Variants in PIK3C2G observed in about 807,000 individuals in gnomAD.
PIK3C2G encodes phosphatidylinositol 3-kinase C2 domain-containing subunit gamma.
In PIK3C2G, 168 loss-of-function variants were observed where a neutral mutation model predicts 181.1. The observed-to-expected ratio is 0.93, with a 90% CI of 0.82 to 1.05. The LOEUF is 1.05. Ranked by LOEUF, PIK3C2G falls within the 50% of genes least tolerant of loss-of-function variation. PIK3C2G has a pLI of 0.00. For synonymous variants in PIK3C2G, 573 were observed against 592.2 expected, an observed-to-expected ratio of 0.97 and a Z score of 0.47; for missense variants, 1,869 against 1,732.8, an observed-to-expected ratio of 1.08 and a Z score of -1.40.
chr12:18,364,087 G>A (rs1015225931), intron 12 of PIK3C2G, among the ~76,000 whole-genome samples: 3 of 152,178 alleles, frequency 2.0e-5, no homozygotes, highest in African/African-American at 4.8e-5. Context: ...GCCTTTTGTA[G>A]TGTGGCCCCT....
At chr12:18,601,013 A>T (rs1459155957) in intron 30 of PIK3C2G, among the ~76,000 whole-genome samples, 1 of 152,092 alleles carries the variant, frequency 6.6e-6, no homozygotes, top group Non-Finnish European at 1.5e-5. Context: ...GTGGCAAATA[A>T]GAAATCACAG....
intron 18 of PIK3C2G, among the ~76,000 whole-genome samples, chr12:18,480,307 TAAATA>T (rs1300857180): frequency 1.3e-5 from 2 of 152,092 alleles, no homozygotes; most frequent in East Asian, 3.9e-4. Flanking sequence ...AGAAAAATGA[TAAATA>T]AAATAACTTA....
the PIK3C2G span, among the ~76,000 whole-genome samples, chr12:18,696,979 A>G: frequency 6.6e-6 from 1 of 152,166 alleles, no homozygotes; most frequent in Non-Finnish European, 1.5e-5. Flanking sequence ...GTTTCTGTAC[A>G]TATTCTTTGT....
rs1012172181 is a variant in PIK3C2G at position 18,563,594 on chromosome 12, A to C, written c.3902+96A>C. 35 of 1,180,732 alleles carry C rather than the reference A, an allele frequency of 3.0e-5. No homozygotes were observed. The African/African-American group carries it at 5.3e-4, about 18-fold the overall frequency. 73.1% of individuals were successfully genotyped at this position (1,180,732 alleles called of 1,614,324 possible). On this transcript the variant is annotated intron_variant, in intron 28 of 32. Transcript: ENST00000538779. ...ATGGGATTTTCTATTTGTGAGAAAC[A>C]CAGTATTCTGACTCCAATGCCATTG... is the stretch of plus-strand genomic sequence containing the variant.
rs898780364 is a variant in PIK3C2G, at chr12:18,567,064, T to A, written c.4011+7T>A. 8.5e-7 allele frequency: 1 copy of A among 1,182,078 alleles called. No individual in the cohort carries two copies. Among genetic ancestry groups the A allele is most frequent in the Admixed American group, 2.0e-5 (1 of 49,944 alleles). The allele number at this position is 1,182,078 out of a possible 1,614,324, so 73.2% of individuals were successfully genotyped here. On this transcript the variant is annotated splice_region_variant and intron_variant, in intron 29 of 32. Coordinates refer to ENST00000538779, the MANE Select transcript of PIK3C2G (RefSeq NM_001288772.2). Reference sequence around the variant, plus strand: ...ATCACATGAAGTTACAAACGTATGTTATAATTAATTTTTCTATTTTTACAT... The same window carrying A: ...ATCACATGAAGTTACAAACGTATGTAATAATTAATTTTTCTATTTTTACAT...
intron 12 of PIK3C2G, among the ~76,000 whole-genome samples, chr12:18,367,946 G>A (rs1941758607): frequency 6.6e-6 from 1 of 152,132 alleles, no homozygotes; most frequent in Non-Finnish European, 1.5e-5. Flanking sequence ...CATGGCAGAA[G>A]GGATAGGAGA....
At chr12:18,622,232 T>C (rs1948894148) in intron 31 of PIK3C2G, among the ~76,000 whole-genome samples, 1 of 151,900 alleles carries the variant, frequency 6.6e-6, no homozygotes, top group Non-Finnish European at 1.5e-5. Flanking sequence ...CTCTAGCCTT[T>C]GTTAACTGCC....
intron 12 of PIK3C2G, among the ~76,000 whole-genome samples, chr12:18,368,974 A>C (rs1460010257): frequency 6.6e-6 from 1 of 152,140 alleles, no homozygotes; most frequent in Admixed American, 6.5e-5. Context: ...AAGATGCTTA[A>C]TATTACCTGA....
At chr12:18,500,255 T>C (rs866802636) in intron 22 of PIK3C2G, among the ~76,000 whole-genome samples, 1 of 150,666 alleles carries the variant, frequency 6.6e-6, no homozygotes, top group African/African-American at 2.4e-5. Context: ...CGGCCGGCCC[T>C]GCCGGCCCGG....
intron 31 of PIK3C2G, among the ~76,000 whole-genome samples, chr12:18,633,234 G>T (rs1344059453): frequency 1.3e-5 from 2 of 152,136 alleles, no homozygotes. Flanking sequence ...TTAATATAAA[G>T]TATGATGTAA....
chr12:18,529,062 C>T (rs1175100600), intron 24 of PIK3C2G, among the ~76,000 whole-genome samples: 1 of 150,524 alleles, frequency 6.6e-6, no homozygotes, highest in Non-Finnish European at 1.5e-5. Context: ...TTGGAAGATG[C>T]CATGATATTC....
intron 1 of PIK3C2G, among the ~76,000 whole-genome samples, chr12:18,272,861 CA>C (rs1295742255): frequency 9.9e-5 from 15 of 152,240 alleles, no homozygotes; most frequent in Admixed American, 6.5e-5. Flanking sequence ...GTCCACCAAG[CA>C]ACCCTGCTTT....
chr12:18,463,196 T>C (rs1948014977), intron 18 of PIK3C2G, among the ~76,000 whole-genome samples: 1 of 152,182 alleles, frequency 6.6e-6, no homozygotes. Context: ...ATTGTCATGG[T>C]ATATCCTACG....
intron 8 of PIK3C2G, among the ~76,000 whole-genome samples, chr12:18,333,620 T>G (rs1938208877): frequency 6.6e-6 from 1 of 152,180 alleles, no homozygotes; most frequent in Non-Finnish European, 1.5e-5. Flanking sequence ...GGACATGAAC[T>G]CATCCTTTTT....
intron 26 of PIK3C2G, among the ~76,000 whole-genome samples, chr12:18,555,626 TA>T (rs1190423170): frequency 3.9e-5 from 6 of 152,174 alleles, no homozygotes; most frequent in Non-Finnish European, 8.8e-5. Context: ...TTATGCTTAT[TA>T]TAGGTCCCTT....
At chr12:18,702,508 G>T in the PIK3C2G span, among the ~76,000 whole-genome samples, 65,986 of 151,922 alleles carry the variant, frequency 0.43, 16,582 homozygotes, top group South Asian at 0.61. Flanking sequence ...CTTTTCTCCA[G>T]GGAGCTTTGA....
At chr12:18,281,340 G>A (rs910056671) in intron 1 of PIK3C2G, among the ~76,000 whole-genome samples, 5 of 149,834 alleles carry the variant, frequency 3.3e-5, no homozygotes, top group African/African-American at 1.2e-4. Context: ...CAGTGTCACG[G>A]AAAGCCAAAG....
Position 18,562,846 on chromosome 12 carries a change from C to G in PIK3C2G, c.3734C>G (p.Ser1245Trp). The G allele has an allele frequency of 6.2e-7, 1 of 1,606,422 alleles. No individual in the cohort carries two copies. The highest frequency in any genetic ancestry group is 8.5e-7 in the Non-Finnish European group (1 of 1,175,876). The change falls in exon 27 of 33, where the codon TCG becomes TGG. Residue 1245 changes from serine (S) to tryptophan (W), a missense_variant. Ser to Trp is a radical substitution (Grantham distance 177, BLOSUM62 -3). Transcript: ENST00000538779. ...TCCTGTTTGCTGAGTACAACTAGGT[C>G]GATTGAAAGAGCAACAATTTTAGGG... Reference protein sequence around the residue: ...QESCLLSTTRSIERATILGFS... With the variant: ...QESCLLSTTRWIERATILGFS...
At chr12:18,245,264 T>C (rs1453507939), upstream of PIK3C2G, among the ~76,000 whole-genome samples, 1 of 152,116 alleles carries the variant, frequency 6.6e-6, no homozygotes, top group Admixed American at 6.5e-5. Context: ...TTTTAGAACC[T>C]CTCATTTCCA....
Sources: allele counts gnomAD v4.1 joint callset (sites outside exome capture counted in the v4.1 genomes callset), GRCh38; gene constraint gnomAD v4.1.1; transcripts MANE v1.5; gene names NCBI Gene and HGNC (gene_info 2026-07-23, HGNC 2026-07-21).